OSBPL1A: variants seen among roughly 807,000 people sequenced by gnomAD.
The protein encoded by OSBPL1A is oxysterol-binding protein-related protein 1.
In OSBPL1A, 80 loss-of-function variants were observed where a neutral mutation model predicts 137.1. The observed-to-expected ratio is 0.58, with a 90% CI of 0.49 to 0.70. The LOEUF is 0.70. OSBPL1A is among the 30% of genes least tolerant of loss of function. OSBPL1A has a pLI of 0.00. For synonymous variants in OSBPL1A, 365 were observed against 389.7 expected (o/e 0.94, Z 0.75); for missense variants, 970 against 1,129.4 (o/e 0.86, Z 2.02).
intron 15 of OSBPL1A, among the ~76,000 whole-genome samples, chr18:24,254,543 A>G (rs1200901451): frequency 6.6e-6 from 1 of 152,206 alleles, no homozygotes; most frequent in African/African-American, 2.4e-5. Flanking sequence ...GACGCGAGGA[A>G]TTTTGGAAAC....
intron 14 of OSBPL1A, among the ~76,000 whole-genome samples, chr18:24,303,118 A>C (rs1177074428): frequency 6.6e-6 from 1 of 152,036 alleles, no homozygotes; most frequent in African/African-American, 2.4e-5. Flanking sequence ...CTCCTGCCTC[A>C]GCCTCCCGAG....
At chr18:24,395,991 CA>C (rs1245813536) in intron 1 of OSBPL1A, among the ~76,000 whole-genome samples, 1 of 150,302 alleles carries the variant, frequency 6.7e-6, no homozygotes, top group East Asian at 2.0e-4. Context: ...GAGGCCGAGG[CA>C]GGCGGATCAT....
At chr18:24,224,254 A>G (rs2145986522) in intron 17 of OSBPL1A, among the ~76,000 whole-genome samples, 1 of 152,330 alleles carries the variant, frequency 6.6e-6, no homozygotes, top group Middle Eastern at 3.4e-3. Context: ...ATCATAGTAC[A>G]GAAATGGAAT....
chr18:24,328,464 T>C (rs373160521), intron 7 of OSBPL1A, among the ~76,000 whole-genome samples: 3 of 152,206 alleles, frequency 2.0e-5, no homozygotes, highest in East Asian at 3.9e-4. Flanking sequence ...CATACTTACA[T>C]GGGTTGATTT....
At chr18:24,188,468 T>C (rs1385179905) in intron 18 of OSBPL1A, among the ~76,000 whole-genome samples, 2 of 152,240 alleles carry the variant, frequency 1.3e-5, no homozygotes, top group Admixed American at 6.5e-5. Flanking sequence ...TATTTTTTAA[T>C]CATTTGAAAA....
chr18:24,185,073 C>T (rs770113317), intron 18 of OSBPL1A, among the ~76,000 whole-genome samples: 2 of 152,072 alleles, frequency 1.3e-5, no homozygotes, highest in Non-Finnish European at 2.9e-5. Context: ...GAAAAAAAGT[C>T]GATATGATTC....
intron 4 of OSBPL1A, among the ~76,000 whole-genome samples, chr18:24,362,717 CA>C (rs1316182431): frequency 1.3e-5 from 2 of 151,856 alleles, no homozygotes; most frequent in East Asian, 1.9e-4. Context: ...TTTAAATAAT[CA>C]AAAAAACATT....
intron 17 of OSBPL1A, among the ~76,000 whole-genome samples, chr18:24,206,420 C>A (rs1487472923): frequency 6.6e-6 from 1 of 152,150 alleles, no homozygotes; most frequent in African/African-American, 2.4e-5. Context: ...TTCTTTTCTG[C>A]CATTTAATAA....
At position 24,315,511 on chromosome 18, in the gene OSBPL1A, A is replaced by G. The variant is rs977268197; in HGVS notation, c.871-1164T>C. On this transcript the variant is annotated intron_variant, in intron 11 of 27. Coordinates refer to ENST00000319481, the MANE Select transcript of OSBPL1A (RefSeq NM_080597.4). ...GCAATGGACAACACTTAACAGAGAAAAACAACAGAATCCAAAATCTCCAGA... is the reference window on the plus strand; with the variant it reads ...GCAATGGACAACACTTAACAGAGAAGAACAACAGAATCCAAAATCTCCAGA... Among the ~76,000 whole-genome samples, 3 of 149,646 alleles carry G rather than the reference A, an allele frequency of 2.0e-5. No homozygotes were observed. In the Admixed American group the frequency reaches 2.1e-4, roughly 10 times the overall value.
At chr18:24,319,593 CCAA>C (rs1164841059) in intron 7 of OSBPL1A, among the ~76,000 whole-genome samples, 3 of 151,978 alleles carry the variant, frequency 2.0e-5, no homozygotes, top group East Asian at 1.9e-4. Flanking sequence ...CATGTTTTGC[CCAA>C]CAACAACAAA....
rs147596348 is a variant in OSBPL1A, at chr18:24,375,355, C to T, written c.121+2058G>A. On this transcript the variant is annotated intron_variant, in intron 2 of 27. Transcript: ENST00000319481. The stretch of plus-strand genomic sequence containing the variant: ...AAAAAAAAAAAAAGACAGAAGTACC[C>T]AAAGACTAACGTTTACTCTCCCCAT... Among the ~76,000 whole-genome samples, 1,074 of 141,248 alleles carry T rather than the reference C, an allele frequency of 7.6e-3. 17 individuals carry two copies. Among genetic ancestry groups the T allele is most frequent in the African/African-American group, 0.027 (1,027 of 38,514 alleles). 92.7% of individuals were successfully genotyped at this position (141,248 alleles called of 152,430 possible).
At position 24,370,488 on chromosome 18, in the gene OSBPL1A, T is replaced by A. The variant is rs192567006; in HGVS notation, c.122-2116A>T. ...TCTCACTTTCTCAGCTTCCCTCATT[T>A]CTCACAAACTGTGCCTCTGTTTAAG... On this transcript the variant is annotated intron_variant, in intron 2 of 27. Transcript: ENST00000319481. 2.6e-3 allele frequency among the ~76,000 whole-genome samples: 389 copies of A among 152,108 alleles called. 2 individuals are homozygous for A. The highest frequency in any genetic ancestry group is 8.7e-3 in the African/African-American group (359 of 41,478).
At chr18:24,317,010 A>G in intron 11 of OSBPL1A, 139 bp downstream of exon 11, 1 of 766,738 alleles carries the variant, frequency 1.3e-6, no homozygotes, top group Non-Finnish European at 2.0e-6. Context: ...CTTGTTATCA[A>G]ATTAAAATAT....
At chr18:24,259,165 C>G (rs371270578) in intron 15 of OSBPL1A, among the ~76,000 whole-genome samples, 1 of 151,932 alleles carries the variant, frequency 6.6e-6, no homozygotes, top group Non-Finnish European at 1.5e-5. Flanking sequence ...CCTCGGCGTC[C>G]CAAAGTGCTG....
In OSBPL1A at chr18:24,220,905, T is replaced by C. The variant is rs141138166; in HGVS notation, c.1601+4137A>G. On this transcript the variant is annotated intron_variant, in intron 17 of 27. Coordinates refer to ENST00000319481, the MANE Select transcript of OSBPL1A (RefSeq NM_080597.4). ...TTGGCTCACTGCAACCTCAGCCTCC[T>C]AAGCAGCTGGGACTACAGGCGTGTG... Among the ~76,000 whole-genome samples the C allele has an allele frequency of 2.8e-3, 433 of 151,996 alleles. 2 individuals carry two copies. The highest frequency in any genetic ancestry group is 9.8e-3 in the African/African-American group (407 of 41,488).
chr18:24,215,161 A>C (rs2087655864), intron 17 of OSBPL1A, among the ~76,000 whole-genome samples: 1 of 152,194 alleles, frequency 6.6e-6, no homozygotes, highest in African/African-American at 2.4e-5. Flanking sequence ...GCATAGTAAA[A>C]TACCTGTCCT....
intron 4 of OSBPL1A, among the ~76,000 whole-genome samples, chr18:24,353,803 CAA>C (rs1464576560): frequency 6.6e-6 from 1 of 151,602 alleles, no homozygotes; most frequent in Non-Finnish European, 1.5e-5. Context: ...TCATACTCAG[CAA>C]ACTATCGCAA....
intron 21 of OSBPL1A, among the ~76,000 whole-genome samples, chr18:24,174,874 G>C (rs1275075199): frequency 1.3e-5 from 2 of 151,578 alleles, no homozygotes. Context: ...CTCGGCTCAA[G>C]TGACCCTCCT....
intron 14 of OSBPL1A, among the ~76,000 whole-genome samples, chr18:24,289,618 G>A (rs945391465): frequency 2.0e-5 from 3 of 151,732 alleles, no homozygotes; most frequent in Admixed American, 6.6e-5. Flanking sequence ...ACAGGGTTTC[G>A]CCATGTTGGG....
Sources: allele counts gnomAD v4.1 joint callset (sites outside exome capture counted in the v4.1 genomes callset), GRCh38; gene constraint gnomAD v4.1.1; transcripts MANE v1.5; gene names NCBI Gene and HGNC (gene_info 2026-07-23, HGNC 2026-07-21).